Variants in ATP7B observed in about 807,000 individuals in gnomAD.
The protein encoded by ATP7B is ATPase copper transporting beta.
Under a neutral mutation model 118.9 loss-of-function variants are expected in ATP7B, and 113 were observed. The ratio of observed to expected loss-of-function variants is 0.95; its 90% confidence interval spans 0.82 to 1.11. The LOEUF (loss-of-function observed/expected upper bound fraction) is 1.11. Ranked by LOEUF, ATP7B falls within the 50% of genes most tolerant of loss-of-function variation. The pLI, the probability that ATP7B is intolerant of heterozygous loss-of-function variation, is 0.00. For synonymous variants in ATP7B, 777 were observed against 727.4 expected, an observed-to-expected ratio of 1.07 and a Z score of -1.10; for missense variants, 1,867 against 1,871.4, an observed-to-expected ratio of 1.00 and a Z score of 0.04.
chr13:51,999,223 G>A (rs1953365563), intron 1 of ATP7B, among the ~76,000 whole-genome samples: 2 of 152,190 alleles, frequency 1.3e-5, no homozygotes, highest in Non-Finnish European at 2.9e-5. Flanking sequence ...AGTTAGGAGA[G>A]AAGAACAGTA....
At chr13:51,964,242 ACTAG>A (rs1958946445) in intron 5 of ATP7B, among the ~76,000 whole-genome samples, 1 of 152,194 alleles carries the variant, frequency 6.6e-6, no homozygotes, top group Non-Finnish European at 1.5e-5. Flanking sequence ...ATTTATCCTT[ACTAG>A]CTGTTACAAG....
chr13:51,960,457 T>A, intron 6 of ATP7B, 135 bp from the exon 7 acceptor site: 2 of 1,104,716 alleles, frequency 1.8e-6, no homozygotes. Context: ...GGGGTTAAAA[T>A]GAAAGTAAGA....
chr13:52,000,409 C>A (rs1240772618), intron 1 of ATP7B, among the ~76,000 whole-genome samples: 1 of 152,184 alleles, frequency 6.6e-6, no homozygotes, highest in African/African-American at 2.4e-5. Flanking sequence ...GCCCTCATGG[C>A]CAAATCACCT....
At chr13:51,963,523 G>A (rs1367969070) in intron 5 of ATP7B, among the ~76,000 whole-genome samples, 6 of 151,968 alleles carry the variant, frequency 3.9e-5, no homozygotes, top group East Asian at 1.9e-4. Context: ...ATCACCTGAC[G>A]TCAGGAGTTC....
chr13:51,960,371 C>T, intron 6 of ATP7B, 49 bp from the exon 7 acceptor site: 1 of 1,590,038 alleles, frequency 6.3e-7, no homozygotes, highest in Non-Finnish European at 8.6e-7. Flanking sequence ...TGCTTGTCAC[C>T]TGGATTACAA....
At chr13:51,980,297 A>G (rs1198784830) in intron 1 of ATP7B, among the ~76,000 whole-genome samples, 1 of 152,076 alleles carries the variant, frequency 6.6e-6, no homozygotes, top group Non-Finnish European at 1.5e-5. Context: ...ACCCAACACC[A>G]GGCTTTAGAA....
chr13:51,992,886 G>A (rs4943052), intron 1 of ATP7B, among the ~76,000 whole-genome samples: 2,888 of 145,782 alleles, frequency 0.02, 83 homozygotes, highest in Admixed American at 0.091. Flanking sequence ...GCTGAGGCAG[G>A]AGAATCACTT....
chr13:51,980,733 T>C (rs1488920153), intron 1 of ATP7B, among the ~76,000 whole-genome samples: 2 of 152,212 alleles, frequency 1.3e-5, no homozygotes, highest in South Asian at 2.1e-4. Flanking sequence ...TGGAGGTCTC[T>C]TGATCACTCT....
At chr13:51,938,734 G>A (rs576923509) in intron 17 of ATP7B, among the ~76,000 whole-genome samples, 1 of 152,322 alleles carries the variant, frequency 6.6e-6, no homozygotes, top group Admixed American at 6.5e-5. Flanking sequence ...TAACATAAAG[G>A]TTAGAAAATG....
At position 51,975,089 on chromosome 13, in the gene ATP7B, T is replaced by C. The variant is rs1209726590; in HGVS notation, c.131A>G (p.Tyr44Cys). 4 of 1,614,252 alleles carry C rather than the reference T, an allele frequency of 2.5e-6. No individual in the cohort carries two copies. Among genetic ancestry groups the C allele is most frequent in the East Asian group, 2.2e-5 (1 of 44,886 alleles). The change falls in exon 2 of 21, where the codon TAT (tyrosine) becomes TGT (cysteine). Residue 44 changes from tyrosine (Y) to cysteine (C), a missense_variant. Transcript: ENST00000242839. ...KKSFAFDNVGYEGGLDGLGPS... is the reference protein window; with the variant it reads ...KKSFAFDNVGCEGGLDGLGPS... Reference sequence around the variant, plus strand: ...GCCCAGGCCATCCAGACCACCTTCATAGCCAACATTGTCAAAAGCAAAACT... The same window carrying C: ...GCCCAGGCCATCCAGACCACCTTCACAGCCAACATTGTCAAAAGCAAAACT...
chr13:52,002,945 G>A (rs2140547733), intron 1 of ATP7B, among the ~76,000 whole-genome samples: 1 of 152,302 alleles, frequency 6.6e-6, no homozygotes. Flanking sequence ...TTCTGCTAGT[G>A]GAAGGCCTTG....
At position 51,975,299 on chromosome 13, in the gene ATP7B, T is replaced by C. The variant is rs1157437623; in HGVS notation, c.52-131A>G. 1.3e-5 allele frequency: 16 copies of C among 1,235,318 alleles called. No homozygotes were observed. In the Admixed American group the frequency reaches 2.5e-4, roughly 19 times the overall value. 76.5% of individuals were successfully genotyped at this position (1,235,318 alleles called of 1,614,324 possible). On this transcript the variant is annotated intron_variant, in intron 1 of 20. Coordinates refer to ENST00000242839, the MANE Select transcript of ATP7B (RefSeq NM_000053.4). ...AAAATATCCCAAGGGTAGAAGAACA[T>C]AACATACACAGAAAGCAAGCTAAAG... is the stretch of plus-strand genomic sequence containing the variant.
chr13:52,011,499 C>T, upstream of ATP7B: 2 of 828,564 alleles, frequency 2.4e-6, no homozygotes, highest in Non-Finnish European at 4.0e-6. Flanking sequence ...CGGGAACCGC[C>T]CCTTCATTTG....
chr13:51,939,290 CA>C, intron 16 of ATP7B, 97 bp from the exon 17 acceptor site: 1 of 1,541,268 alleles, frequency 6.5e-7, no homozygotes, highest in South Asian at 1.1e-5. Context: ...ATATTATGTG[CA>C]AAAAACAAAA....
At chr13:51,966,653 G>A in intron 4 of ATP7B, 1 of 1,055,052 alleles carries the variant, frequency 9.5e-7, no homozygotes, top group Non-Finnish European at 1.4e-6. Context: ...GATACAGCAT[G>A]GTTTTTTTAA....
chr13:52,001,564 C>A (rs1953492874), intron 1 of ATP7B, among the ~76,000 whole-genome samples: 1 of 152,126 alleles, frequency 6.6e-6, no homozygotes, highest in Non-Finnish European at 1.5e-5. Flanking sequence ...CCAAAGGGCT[C>A]ACTTCCTCAC....
chr13:51,960,159 T>A lies in ATP7B; in HGVS notation c.2110A>T (p.Thr704Ser). The A allele has an allele frequency of 5.0e-6, 8 of 1,613,822 alleles. No individual in the cohort carries two copies. The highest frequency in any genetic ancestry group is 6.8e-6 in the Non-Finnish European group (8 of 1,179,760). ...ILNLIFFILCTFVQLLGGWYF... is the reference protein window; with the variant it reads ...ILNLIFFILCSFVQLLGGWYF... ...TTTCTCATATATACCTGGACAAAGGTACACAAGATAAAGAAGATGAGATTT... is the reference window on the plus strand; with the variant it reads ...TTTCTCATATATACCTGGACAAAGGAACACAAGATAAAGAAGATGAGATTT... Residue 704 changes from threonine (T) to serine (S), a missense_variant, in exon 7 of 21, where the codon ACC becomes TCC. Transcript: ENST00000242839.
At chr13:51,962,601 G>A (rs556036739) in intron 5 of ATP7B, among the ~76,000 whole-genome samples, 240 of 152,296 alleles carry the variant, frequency 1.6e-3, no homozygotes, top group Non-Finnish European at 1.4e-3. Flanking sequence ...AAGTTGGGGT[G>A]GGAGGAAGAG....
chr13:51,942,637 C>T (rs1304593720), intron 14 of ATP7B, 83 bp from the exon 15 acceptor site: 1 of 1,555,794 alleles, frequency 6.4e-7, no homozygotes, highest in Non-Finnish European at 8.8e-7. Flanking sequence ...GACAGGGACA[C>T]AGGGTGAAGG....
Sources: gnomAD v4.1 joint callset for allele counts (sites outside exome capture counted in the v4.1 genomes callset) on GRCh38, gnomAD v4.1.1 for gene constraint, MANE v1.5 for transcripts, NCBI Gene and HGNC (gene_info 2026-07-23, HGNC 2026-07-21) for gene names.